TMEM178B: variants seen among roughly 807,000 people sequenced by gnomAD.
TMEM178B encodes the protein transmembrane protein 178B.
In TMEM178B, 5 loss-of-function variants were observed where a neutral mutation model predicts 31.0. The ratio of observed to expected loss-of-function variants is 0.16; its 90% CI spans 0.08 to 0.34. The LOEUF (loss-of-function observed/expected upper bound fraction) is 0.34, where lower values mean the gene tolerates loss of function less well. Ranked by LOEUF, TMEM178B falls within the 10% of genes least tolerant of loss-of-function variation. The probability of loss-of-function intolerance (pLI) is 1.00; values close to 1 mark genes in which losing one functional copy is unlikely to be tolerated. For synonymous variants in TMEM178B, 164 were observed against 164.0 expected, an observed-to-expected ratio of 1.00 and a Z score of 0.00; for missense variants, 275 against 400.3, an observed-to-expected ratio of 0.69 and a Z score of 2.67.
At chr7:141,364,886 T>A (rs781493655) in intron 2 of TMEM178B, among the ~76,000 whole-genome samples, 3 of 150,962 alleles carry the variant, frequency 2.0e-5, no homozygotes, top group African/African-American at 7.4e-5. Flanking sequence ...TGACTCATGA[T>A]GCTGTGTGAG....
intron 3 of TMEM178B, among the ~76,000 whole-genome samples, chr7:141,443,487 A>C (rs1400468318): frequency 6.6e-6 from 1 of 152,146 alleles, no homozygotes; most frequent in Non-Finnish European, 1.5e-5. Flanking sequence ...CATATTGTAG[A>C]ATGCTCTTCT....
At chr7:141,302,057 T>G (rs1032797400) in intron 2 of TMEM178B, among the ~76,000 whole-genome samples, 1 of 152,110 alleles carries the variant, frequency 6.6e-6, no homozygotes, top group Admixed American at 6.6e-5. Context: ...GACAAAAACT[T>G]CTGGAGATGG....
At chr7:141,308,783 C>T (rs1043883944) in intron 2 of TMEM178B, among the ~76,000 whole-genome samples, 5 of 152,134 alleles carry the variant, frequency 3.3e-5, no homozygotes, top group Non-Finnish European at 2.9e-5. Flanking sequence ...GCAACCTGCC[C>T]GACGCTGGGC....
intron 1 of TMEM178B, among the ~76,000 whole-genome samples, chr7:141,079,548 A>G (rs1794651234): frequency 6.6e-6 from 1 of 152,210 alleles, no homozygotes; most frequent in South Asian, 2.1e-4. Flanking sequence ...CACTTTAAGA[A>G]ACTGCTACTT....
chr7:141,445,484 T>C (rs1181755), intron 3 of TMEM178B, among the ~76,000 whole-genome samples: 41,676 of 152,102 alleles, frequency 0.27, 6,589 homozygotes, highest in East Asian at 0.59. Context: ...CATGCTAGGA[T>C]GATGTTTCAA....
At chr7:141,315,276 G>T (rs1443738371) in intron 2 of TMEM178B, among the ~76,000 whole-genome samples, 1 of 152,150 alleles carries the variant, frequency 6.6e-6, no homozygotes, top group Non-Finnish European at 1.5e-5. Context: ...CCTCCACCAG[G>T]TCCTCTGTGC....
chr7:141,220,238 GGGAGGT>G (rs1288309740), intron 2 of TMEM178B, among the ~76,000 whole-genome samples: 1 of 151,662 alleles, frequency 6.6e-6, no homozygotes, highest in Non-Finnish European at 1.5e-5. Flanking sequence ...GCTTGAACCT[GGGAGGT>G]GGAGTTTGCA....
chr7:141,379,042 G>A (rs1320739636), intron 2 of TMEM178B, among the ~76,000 whole-genome samples: 2 of 152,088 alleles, frequency 1.3e-5, no homozygotes, highest in Non-Finnish European at 2.9e-5. Flanking sequence ...AGAGCAAAAG[G>A]AGCCACTCCG....
At chr7:141,235,749 A>C (rs1797517552) in intron 2 of TMEM178B, among the ~76,000 whole-genome samples, 1 of 152,202 alleles carries the variant, frequency 6.6e-6, no homozygotes, top group Non-Finnish European at 1.5e-5. Context: ...GGGGTACATG[A>C]TGGAGAGGAT....
intron 2 of TMEM178B, among the ~76,000 whole-genome samples, chr7:141,427,899 A>C (rs1217751323): frequency 6.6e-6 from 1 of 152,234 alleles, no homozygotes; most frequent in African/African-American, 2.4e-5. Context: ...AAAGCTTTGA[A>C]TAGACATTTC....
chr7:141,339,304 C>T (rs1257242792), intron 2 of TMEM178B, among the ~76,000 whole-genome samples: 1 of 152,154 alleles, frequency 6.6e-6, no homozygotes, highest in African/African-American at 2.4e-5. Flanking sequence ...GCAGCCACCT[C>T]TCGTCCGCCT....
At chr7:141,363,788 A>G (rs897123452) in intron 2 of TMEM178B, among the ~76,000 whole-genome samples, 18 of 152,118 alleles carry the variant, frequency 1.2e-4, no homozygotes, top group Non-Finnish European at 2.1e-4. Flanking sequence ...GCTATTCTCA[A>G]AGTTAAGTAG....
chr7:141,106,492 G>A (rs1359401669), intron 1 of TMEM178B, among the ~76,000 whole-genome samples: 1 of 152,216 alleles, frequency 6.6e-6, no homozygotes, highest in Non-Finnish European at 1.5e-5. Context: ...TCCCCTAGGA[G>A]TACAAGCTCA....
intron 1 of TMEM178B, among the ~76,000 whole-genome samples, chr7:141,125,698 GA>G (rs1795481476): frequency 7.0e-6 from 1 of 142,740 alleles, no homozygotes; most frequent in African/African-American, 2.6e-5. Context: ...AAAAAAAAAA[GA>G]AAAAGAAAAA....
chr7:141,373,664 A>G (rs1800158704), intron 2 of TMEM178B, among the ~76,000 whole-genome samples: 2 of 152,054 alleles, frequency 1.3e-5, no homozygotes, highest in African/African-American at 4.8e-5. Flanking sequence ...CCCAACACAC[A>G]TTGGGCAGGC....
chr7:141,217,889 A>G (rs1308237231), intron 2 of TMEM178B, among the ~76,000 whole-genome samples: 1 of 152,058 alleles, frequency 6.6e-6, no homozygotes, highest in Non-Finnish European at 1.5e-5. Flanking sequence ...CTTTCCTGCA[A>G]TCAGATGCTC....
At chr7:141,364,443 GA>G (rs1799968859) in intron 2 of TMEM178B, among the ~76,000 whole-genome samples, 1 of 152,104 alleles carries the variant, frequency 6.6e-6, no homozygotes, top group Non-Finnish European at 1.5e-5. Flanking sequence ...GGCGGATCCT[GA>G]GGTCAGGAGA....
At chr7:141,256,109 T>C (rs1233631385) in intron 2 of TMEM178B, among the ~76,000 whole-genome samples, 1 of 152,166 alleles carries the variant, frequency 6.6e-6, no homozygotes, top group Non-Finnish European at 1.5e-5. Context: ...CACTTATTTA[T>C]TCATTCAGTG....
At chr7:141,331,450 A>G (rs1054743538) in intron 2 of TMEM178B, among the ~76,000 whole-genome samples, 2 of 152,170 alleles carry the variant, frequency 1.3e-5, no homozygotes, top group African/African-American at 4.8e-5. Context: ...GAGGAAATGC[A>G]ACAGTTGCTA....
Sources: allele counts gnomAD v4.1 joint callset (sites outside exome capture counted in the v4.1 genomes callset), GRCh38; gene constraint gnomAD v4.1.1; transcripts MANE v1.5; gene names NCBI Gene and HGNC (gene_info 2026-07-23, HGNC 2026-07-21).